CDK5RAP2: variants seen among roughly 807,000 people sequenced by gnomAD.
CDK5RAP2 encodes the protein CDK5 regulatory subunit-associated protein 2.
A neutral mutation model predicts 232.9 loss-of-function variants in CDK5RAP2; 147 were observed. The ratio of observed to expected loss-of-function variants is 0.63; its 90% CI spans 0.55 to 0.72. CDK5RAP2 has a LOEUF of 0.72. Ranked by LOEUF, CDK5RAP2 falls within the 30% of genes least tolerant of loss-of-function variation. The pLI is 0.00. For missense variants in CDK5RAP2, 2,195 were observed against 2,231.5 expected, an observed-to-expected ratio of 0.98 and a Z score of 0.33; for synonymous variants, 833 against 833.7, an observed-to-expected ratio of 1.00 and a Z score of 0.01.
At chr9:120,420,058 A>C in intron 26 of CDK5RAP2, 98 bp from the exon 27 acceptor site, 1 of 960,282 alleles carries the variant, frequency 1.0e-6, no homozygotes, top group Non-Finnish European at 1.7e-6. Flanking sequence ...ACTCTTAGTA[A>C]CTCCCCAATG....
At chr9:120,548,153 T>C (rs934104083) in intron 4 of CDK5RAP2, among the ~76,000 whole-genome samples, 7 of 152,194 alleles carry the variant, frequency 4.6e-5, no homozygotes, top group Non-Finnish European at 8.8e-5. Flanking sequence ...GAGGCAGAAC[T>C]TTTTCTTGAA....
intron 6 of CDK5RAP2, among the ~76,000 whole-genome samples, chr9:120,538,020 G>T (rs965368338): frequency 6.6e-6 from 1 of 152,202 alleles, no homozygotes; most frequent in South Asian, 2.1e-4. Context: ...AAATGAACCA[G>T]TAAGTTAGAT....
At chr9:120,571,908 G>T in intron 2 of CDK5RAP2, 66 bp downstream of exon 2, 2 of 1,270,386 alleles carry the variant, frequency 1.6e-6, no homozygotes, top group Non-Finnish European at 2.3e-6. Context: ...AGCTCAAGAT[G>T]CTCACAGTCC....
At chr9:120,430,104 A>G (rs2035187335) in intron 25 of CDK5RAP2, among the ~76,000 whole-genome samples, 1 of 152,136 alleles carries the variant, frequency 6.6e-6, no homozygotes, top group Admixed American at 6.5e-5. Context: ...TTATACAAAA[A>G]TTAATTCAAG....
intron 11 of CDK5RAP2, among the ~76,000 whole-genome samples, chr9:120,519,246 G>A (rs961596490): frequency 6.6e-6 from 1 of 152,010 alleles, no homozygotes; most frequent in African/African-American, 2.4e-5. Flanking sequence ...TTAGTTGGGT[G>A]GGACTATAGT....
chr9:120,436,357 C>G (rs1412191634), intron 25 of CDK5RAP2, among the ~76,000 whole-genome samples: 1 of 152,122 alleles, frequency 6.6e-6, no homozygotes, highest in African/African-American at 2.4e-5. Flanking sequence ...TGAGGAACTA[C>G]TCCGGATTAA....
chr9:120,467,841 C>G lies in CDK5RAP2; in HGVS notation c.2106+19G>C. On this transcript the variant is annotated intron_variant, in intron 18 of 37. Transcript: ENST00000349780. Reference sequence around the variant, plus strand: ...TTATATTTTTGTAATCAGCACATGACAACAAAAATGTTTCTTACCTCTGTT... The same window carrying G: ...TTATATTTTTGTAATCAGCACATGAGAACAAAAATGTTTCTTACCTCTGTT... The G allele has an allele frequency of 6.2e-7, 1 of 1,613,378 alleles. No individual in the cohort carries two copies. The highest frequency in any genetic ancestry group is 8.5e-7 in the Non-Finnish European group (1 of 1,179,522).
intron 32 of CDK5RAP2, chr9:120,406,809 G>T: frequency 1.7e-6 from 1 of 587,548 alleles, no homozygotes; most frequent in Non-Finnish European, 3.0e-6. Context: ...GAATCAAGAT[G>T]CCTCAGATGG....
At chr9:120,560,806 G>A (rs985922036) in intron 3 of CDK5RAP2, among the ~76,000 whole-genome samples, 4 of 151,910 alleles carry the variant, frequency 2.6e-5, no homozygotes, top group South Asian at 2.1e-4. Context: ...TAGTAGAGAC[G>A]GGGTTTCACC....
intron 6 of CDK5RAP2, among the ~76,000 whole-genome samples, chr9:120,538,120 G>A (rs771129214): frequency 6.6e-6 from 1 of 152,174 alleles, no homozygotes; most frequent in Non-Finnish European, 1.5e-5. Context: ...CCTATACTAT[G>A]TTTCTAACCC....
intron 12 of CDK5RAP2, among the ~76,000 whole-genome samples, chr9:120,516,316 C>G (rs575033736): frequency 7.6e-6 from 1 of 131,888 alleles, no homozygotes; most frequent in Non-Finnish European, 1.5e-5. Flanking sequence ...AATTGAATAG[C>G]GAGAACACAT....
intron 12 of CDK5RAP2, among the ~76,000 whole-genome samples, chr9:120,496,193 G>A (rs1588484897): frequency 2.9e-5 from 4 of 136,224 alleles, no homozygotes; most frequent in South Asian, 2.4e-4. Context: ...CGCCCTGTCC[G>A]GGAGGGAGGT....
In CDK5RAP2 at chr9:120,528,752, T is replaced by C. The variant is rs747639368; in HGVS notation, c.871A>G (p.Arg291Gly). 14 of 1,598,902 alleles carry C rather than the reference T, an allele frequency of 8.8e-6. No individual in the cohort carries two copies. The highest frequency in any genetic ancestry group is 1.2e-5 in the Non-Finnish European group (14 of 1,165,988). ...HQKERNSFEERIQALEEDLRE... is the reference protein window; with the variant it reads ...HQKERNSFEEGIQALEEDLRE... Reference sequence around the variant, plus strand: ...AAATTGTATCAACATACCTGGATCCTCTCTTCAAAGCTGTTTCTCTCCTTC... The same window carrying C: ...AAATTGTATCAACATACCTGGATCCCCTCTTCAAAGCTGTTTCTCTCCTTC... The change falls in exon 9 of 38, where the codon AGG becomes GGG. Residue 291 changes from arginine to glycine, a missense_variant. By Grantham distance (125) the Arg-to-Gly change is moderately radical (BLOSUM62 -2). Coordinates refer to ENST00000349780, the MANE Select transcript of CDK5RAP2 (RefSeq NM_018249.6).
intron 21 of CDK5RAP2, among the ~76,000 whole-genome samples, chr9:120,448,342 C>T (rs1219932376): frequency 6.6e-6 from 1 of 152,204 alleles, no homozygotes; most frequent in Non-Finnish European, 1.5e-5. Flanking sequence ...CTCCTCGCCA[C>T]CCTCCTGGCC....
rs545235391 is a variant in CDK5RAP2, at chr9:120,439,557, C to T, written c.3564G>A (p.Pro1188=). 140 of 1,614,210 alleles carry T rather than the reference C, an allele frequency of 8.7e-5. No homozygotes were observed. The South Asian group carries it at 1.3e-3, about 15-fold the overall frequency. ...TGCTGTCAATCATCTCTGGGGCCAG[C>T]GGACCGAGGATTTTCACGTGTTTCA... ...RYVKHVKILG[P]LAPEMIDSRV... Residue 1188 remains proline, a synonymous_variant, in exon 24 of 38, where the codon CCG becomes CCA. Transcript: ENST00000349780.
intron 6 of CDK5RAP2, among the ~76,000 whole-genome samples, chr9:120,537,684 ATC>A (rs2041452586): frequency 6.6e-6 from 1 of 151,540 alleles, no homozygotes; most frequent in Admixed American, 6.6e-5. Context: ...CTGTTTCATC[ATC>A]TGTTTAAAAA....
chr9:120,505,198 C>G (rs2039753431), intron 12 of CDK5RAP2, among the ~76,000 whole-genome samples: 1 of 152,176 alleles, frequency 6.6e-6, no homozygotes. Context: ...CATTTCGTGT[C>G]TCTGTGTCGC....
chr9:120,518,280 A>C (rs2040453269), intron 12 of CDK5RAP2, 147 bp downstream of exon 12: 1 of 676,410 alleles, frequency 1.5e-6, no homozygotes, highest in African/African-American at 1.8e-5. Context: ...CAAATAGATC[A>C]AATGAAGCTG....
intron 12 of CDK5RAP2, among the ~76,000 whole-genome samples, chr9:120,509,152 A>G (rs533956463): frequency 2.6e-5 from 4 of 152,332 alleles, no homozygotes; most frequent in Admixed American, 6.5e-5. Context: ...ATAGGGATCA[A>G]TCAGCTGGAA....
Sources: allele counts gnomAD v4.1 joint callset (sites outside exome capture counted in the v4.1 genomes callset), GRCh38; gene constraint gnomAD v4.1.1; transcripts MANE v1.5; gene names NCBI Gene and HGNC (gene_info 2026-07-23, HGNC 2026-07-21).